Variants in SRGAP3 observed in about 807,000 individuals in gnomAD.
The protein encoded by SRGAP3 is SLIT-ROBO Rho GTPase activating protein 3.
A neutral mutation model predicts 121.1 loss-of-function variants in SRGAP3; 39 were observed. The ratio of observed to expected loss-of-function variants is 0.32; its 90% confidence interval spans 0.25 to 0.42. The LOEUF is 0.42. Among genes scored for constraint, SRGAP3 ranks in the 10% least tolerant of loss-of-function variants. SRGAP3 has a pLI of 1.00. For synonymous variants in SRGAP3, 601 were observed against 570.0 expected (o/e 1.05, Z -0.77); for missense variants, 1,213 against 1,470.6 (o/e 0.82, Z 2.86).
intron 4 of SRGAP3, among the ~76,000 whole-genome samples, chr3:9,078,768 A>G (rs1185470656): frequency 6.6e-6 from 1 of 152,214 alleles, no homozygotes; most frequent in East Asian, 1.9e-4. Flanking sequence ...ATTCTCAAGC[A>G]GCAATTCTTC....
chr3:9,337,147 T>C (rs527502864), intron 1 of SRGAP3, among the ~76,000 whole-genome samples: 1 of 152,334 alleles, frequency 6.6e-6, no homozygotes, highest in East Asian at 1.9e-4. Flanking sequence ...AAAGTTACTC[T>C]TAGCCTTTGT....
chr3:9,244,330 G>A (rs2600173), intron 1 of SRGAP3, among the ~76,000 whole-genome samples: 15,257 of 152,064 alleles, frequency 0.1, 870 homozygotes, highest in East Asian at 0.22. Flanking sequence ...TGTTGAATTA[G>A]TGCAGAAATG....
At chr3:9,086,837 T>C (rs1221567398) in intron 3 of SRGAP3, among the ~76,000 whole-genome samples, 1 of 137,980 alleles carries the variant, frequency 7.2e-6, no homozygotes, top group Non-Finnish European at 1.6e-5. Context: ...GTATAGTACA[T>C]ATGTATACAT....
At chr3:9,083,712 G>T (rs767180875) in intron 3 of SRGAP3, among the ~76,000 whole-genome samples, 14 of 152,090 alleles carry the variant, frequency 9.2e-5, no homozygotes, top group Non-Finnish European at 1.8e-4. Flanking sequence ...TGTGCATATG[G>T]GCAGGGACCC....
At chr3:9,048,123 C>A (rs186211769) in intron 9 of SRGAP3, among the ~76,000 whole-genome samples, 1 of 152,362 alleles carries the variant, frequency 6.6e-6, no homozygotes, top group East Asian at 1.9e-4. Context: ...CAGGCCTAAC[C>A]CCAGCCTGCT....
intron 1 of SRGAP3, among the ~76,000 whole-genome samples, chr3:9,196,226 A>C (rs1372787801): frequency 6.6e-6 from 1 of 152,200 alleles, no homozygotes; most frequent in Non-Finnish European, 1.5e-5. Context: ...TTTCCTAGAG[A>C]CAAGCCATGA....
At chr3:9,093,320 T>C (rs573518329) in intron 3 of SRGAP3, among the ~76,000 whole-genome samples, 221 of 152,294 alleles carry the variant, frequency 1.5e-3, no homozygotes, top group African/African-American at 5.1e-3. Context: ...GCATTGGCAT[T>C]TCAAAAATGT....
rs1325488779 is a variant in SRGAP3, at chr3:9,114,892, A to G, written c.260+9833T>C. On this transcript the variant is annotated intron_variant, in intron 2 of 21. Coordinates refer to ENST00000383836, the MANE Select transcript of SRGAP3 (RefSeq NM_014850.4). ...CACATCACCGTGAACCAAGTGCTCT[A>G]CTGGATGTCTGATAGGCATCATCTC... Among the ~76,000 whole-genome samples the G allele has an allele frequency of 3.3e-5, 5 of 152,208 alleles. No homozygotes were observed. The East Asian group carries it at 9.6e-4, about 29-fold the overall frequency.
At chr3:9,329,305 G>A (rs957056640) in intron 2 of SRGAP3, among the ~76,000 whole-genome samples, 1 of 152,194 alleles carries the variant, frequency 6.6e-6, no homozygotes, top group Non-Finnish European at 1.5e-5. Context: ...TTGCCGGCAT[G>A]CCAGGCTTCT....
At chr3:9,183,102 C>T (rs1381804939) in intron 1 of SRGAP3, among the ~76,000 whole-genome samples, 1 of 152,176 alleles carries the variant, frequency 6.6e-6, no homozygotes, top group Non-Finnish European at 1.5e-5. Flanking sequence ...TTCTCAGACC[C>T]ATTGAACAGA....
chr3:9,146,240 C>A (rs570972134), intron 1 of SRGAP3, among the ~76,000 whole-genome samples: 2 of 152,308 alleles, frequency 1.3e-5, no homozygotes, highest in African/African-American at 4.8e-5. Flanking sequence ...GTACAAGAAC[C>A]CCATGCGTGG....
intron 1 of SRGAP3, among the ~76,000 whole-genome samples, chr3:9,166,251 G>T (rs1191791608): frequency 6.6e-6 from 1 of 152,188 alleles, no homozygotes; most frequent in East Asian, 1.9e-4. Context: ...CAGGCATCAT[G>T]CCCATTTCCT....
intron 15 of SRGAP3, 30 bp from the exon 16 acceptor site, chr3:9,013,872 C>G (rs752778736): frequency 6.2e-7 from 1 of 1,603,384 alleles, no homozygotes. Flanking sequence ...TTCAGCGTGC[C>G]TTTCATCCTC....
intron 2 of SRGAP3, among the ~76,000 whole-genome samples, chr3:9,124,134 C>A (rs143346452): frequency 1.3e-3 from 198 of 152,296 alleles, no homozygotes; most frequent in African/African-American, 4.5e-3. Context: ...CAGATGGAGC[C>A]TCCATGATCT....
At chr3:9,328,180 C>T (rs1575007997) in intron 2 of SRGAP3, among the ~76,000 whole-genome samples, 2 of 152,280 alleles carry the variant, frequency 1.3e-5, no homozygotes, top group East Asian at 1.9e-4. Context: ...AAAGGCATTA[C>T]AGTTTTTATT....
At chr3:9,146,882 T>A (rs546421058) in intron 1 of SRGAP3, among the ~76,000 whole-genome samples, 48 of 152,314 alleles carry the variant, frequency 3.2e-4, no homozygotes, top group African/African-American at 1.2e-3. Flanking sequence ...ACACGTGAGA[T>A]GCCTCTGGAG....
chr3:9,181,915 C>T (rs1951416187), intron 1 of SRGAP3, among the ~76,000 whole-genome samples: 1 of 152,168 alleles, frequency 6.6e-6, no homozygotes, highest in Admixed American at 6.5e-5. Flanking sequence ...TGGCTCACGC[C>T]TGTAATCCCA....
chr3:9,262,799 T>A (rs1208222745), intron 3 of SRGAP3, among the ~76,000 whole-genome samples: 1 of 152,112 alleles, frequency 6.6e-6, no homozygotes, highest in African/African-American at 2.4e-5. Context: ...ACTGTCAATA[T>A]TAGACAGATC....
intron 1 of SRGAP3, among the ~76,000 whole-genome samples, chr3:9,356,986 G>T (rs2030550612): frequency 6.6e-6 from 1 of 151,866 alleles, no homozygotes; most frequent in African/African-American, 2.4e-5. Flanking sequence ...TTGGGGGGTG[G>T]GTGTGGTGGC....
Sources: gnomAD v4.1 joint callset for allele counts (sites outside exome capture counted in the v4.1 genomes callset) on GRCh38, gnomAD v4.1.1 for gene constraint, MANE v1.5 for transcripts, NCBI Gene and HGNC (gene_info 2026-07-23, HGNC 2026-07-21) for gene names.